Variants in KCNIP4 observed in about 807,000 individuals in gnomAD.
KCNIP4 encodes Kv channel-interacting protein 4.
In KCNIP4, 12 loss-of-function variants were observed where a neutral mutation model predicts 34.0. That is an observed-to-expected ratio of 0.35 (90% CI 0.23 to 0.57). KCNIP4 has a LOEUF of 0.57. Among genes scored for constraint, KCNIP4 ranks in the 20% least tolerant of loss-of-function variants. KCNIP4 has a pLI of 0.83. For missense variants in KCNIP4, 238 were observed against 311.7 expected (o/e 0.76, Z 1.78); for synonymous variants, 124 against 102.2 (o/e 1.21, Z -1.29).
chr4:21,295,269 A>G (rs1035236122), intron 1 of KCNIP4, among the ~76,000 whole-genome samples: 2 of 152,114 alleles, frequency 1.3e-5, no homozygotes, highest in South Asian at 2.1e-4. Flanking sequence ...AAGTCTGAAA[A>G]TAAGTGTTGA....
At chr4:21,677,000 C>T (rs922665827) in intron 1 of KCNIP4, among the ~76,000 whole-genome samples, 3 of 135,060 alleles carry the variant, frequency 2.2e-5, no homozygotes, top group Non-Finnish European at 4.7e-5. Flanking sequence ...AAAAAAAAAA[C>T]ATGGTGCACT....
Position 21,461,735 on chromosome 4 carries a change from C to T in KCNIP4, c.61+486836G>A, listed in dbSNP as rs577827203. On this transcript the variant is annotated intron_variant, in intron 1 of 8. Coordinates refer to ENST00000382152, the MANE Select transcript of KCNIP4 (RefSeq NM_025221.6). ...CTGTTCATCTGCTTGCCATGTCTTT[C>T]CTGCCTCACATGCCTGATGCACATT... is the stretch of plus-strand genomic sequence containing the variant. 1.1e-4 allele frequency among the ~76,000 whole-genome samples: 17 copies of T among 151,922 alleles called. No homozygotes were observed. The South Asian group carries it at 3.1e-3, about 28-fold the overall frequency.
intron 1 of KCNIP4, among the ~76,000 whole-genome samples, chr4:21,911,601 T>G (rs1728326605): frequency 1.6e-5 from 1 of 60,822 alleles, no homozygotes. Flanking sequence ...AAAGAATTGA[T>G]ATTCACACAC....
At chr4:21,205,166 TA>T (rs1466009931) in intron 1 of KCNIP4, among the ~76,000 whole-genome samples, 3 of 152,242 alleles carry the variant, frequency 2.0e-5, no homozygotes, top group Non-Finnish European at 4.4e-5. Context: ...TTTCTGAGTG[TA>T]ATTCCACAAA....
intron 1 of KCNIP4, among the ~76,000 whole-genome samples, chr4:21,201,114 C>G (rs186636417): frequency 6.6e-6 from 1 of 152,258 alleles, no homozygotes; most frequent in African/African-American, 2.4e-5. Context: ...ATGTAACTTA[C>G]CATTCCAATA....
intron 1 of KCNIP4, among the ~76,000 whole-genome samples, chr4:21,726,277 G>A (rs1052422471): frequency 1.3e-5 from 2 of 152,122 alleles, no homozygotes; most frequent in Non-Finnish European, 2.9e-5. Context: ...CAATGAAGCA[G>A]TTGTTCCCTC....
At chr4:21,410,746 G>T (rs1276347757) in intron 1 of KCNIP4, among the ~76,000 whole-genome samples, 2 of 152,188 alleles carry the variant, frequency 1.3e-5, no homozygotes, top group Admixed American at 1.3e-4. Flanking sequence ...TTACTTTAAT[G>T]AGTTATGTGG....
intron 1 of KCNIP4, among the ~76,000 whole-genome samples, chr4:20,938,199 G>GAT (rs34586439): frequency 1.4e-5 from 2 of 142,648 alleles, no homozygotes; most frequent in Non-Finnish European, 3.0e-5. Flanking sequence ...AATTTTGCTA[G>GAT]TTTTTTTTTT....
rs150895363 is a variant in KCNIP4 at position 21,027,117 on chromosome 4, C to A, written c.62-144408G>T. On this transcript the variant is annotated intron_variant, in intron 1 of 8. Transcript: ENST00000382152. ...ATCAGTTTCTTAAGAGCTTTTTGAACAGTTTGACATAGAGCTGATGATTAA... is the reference window on the plus strand; with the variant it reads ...ATCAGTTTCTTAAGAGCTTTTTGAAAAGTTTGACATAGAGCTGATGATTAA... 7.6e-3 allele frequency among the ~76,000 whole-genome samples: 1,152 copies of A among 152,242 alleles called. 12 individuals are homozygous for A. Among genetic ancestry groups the A allele is most frequent in the African/African-American group, 0.026 (1,088 of 41,532 alleles).
At chr4:21,280,581 C>A (rs1331862996) in intron 1 of KCNIP4, among the ~76,000 whole-genome samples, 2 of 152,290 alleles carry the variant, frequency 1.3e-5, no homozygotes, top group Admixed American at 1.3e-4. Flanking sequence ...CATATCATAA[C>A]ACTTTTCTCT....
intron 1 of KCNIP4, among the ~76,000 whole-genome samples, chr4:21,276,680 T>C (rs1354446875): frequency 6.6e-6 from 1 of 152,166 alleles, no homozygotes. Flanking sequence ...TCCCTTCTTT[T>C]TTTCTAATAG....
In KCNIP4 at chr4:21,313,684, G is replaced by T. The variant is rs181891447; in HGVS notation, c.62-430975C>A. Among the ~76,000 whole-genome samples, 5 of 152,168 alleles carry T rather than the reference G, an allele frequency of 3.3e-5. No homozygotes were observed. The East Asian group carries it at 9.7e-4, about 29-fold the overall frequency. ...GTAACCCATTAAATAATACAAAGTG[G>T]CCTCAAAGAATTAAAGATTAGCTTG... On this transcript the variant is annotated intron_variant, in intron 1 of 8. Transcript: ENST00000382152.
chr4:21,610,711 C>T (rs144742209), intron 1 of KCNIP4, among the ~76,000 whole-genome samples: 5 of 152,010 alleles, frequency 3.3e-5, no homozygotes, highest in Non-Finnish European at 4.4e-5. Flanking sequence ...AAGAAAAACC[C>T]GAGACTGGGT....
chr4:20,844,081 A>G (rs1244879491), intron 3 of KCNIP4, among the ~76,000 whole-genome samples: 1 of 152,220 alleles, frequency 6.6e-6, no homozygotes, highest in Admixed American at 6.5e-5. Flanking sequence ...TCTTATCTAC[A>G]TGGATATTAA....
chr4:21,667,519 G>A (rs2109001339), intron 1 of KCNIP4, among the ~76,000 whole-genome samples: 1 of 152,272 alleles, frequency 6.6e-6, no homozygotes, highest in Non-Finnish European at 1.5e-5. Flanking sequence ...TATGCATCAG[G>A]TGCTGTGAGA....
chr4:21,011,599 G>A (rs576841414), intron 1 of KCNIP4, among the ~76,000 whole-genome samples: 6 of 152,260 alleles, frequency 3.9e-5, no homozygotes, highest in Admixed American at 2.6e-4. Flanking sequence ...GCACATATGT[G>A]ACTACTGATT....
intron 1 of KCNIP4, among the ~76,000 whole-genome samples, chr4:21,355,436 T>G (rs1252232006): frequency 2.0e-5 from 3 of 147,940 alleles, no homozygotes; most frequent in Non-Finnish European, 4.5e-5. Context: ...GAGAGAAGAA[T>G]CAAATAGACG....
At chr4:21,597,939 C>T (rs545391928) in intron 1 of KCNIP4, among the ~76,000 whole-genome samples, 13 of 152,018 alleles carry the variant, frequency 8.6e-5, no homozygotes, top group South Asian at 4.2e-4. Flanking sequence ...AAAAAGACAA[C>T]AGAAGAGAAA....
chr4:21,289,424 C>G (rs1414000800), intron 1 of KCNIP4, among the ~76,000 whole-genome samples: 1 of 152,124 alleles, frequency 6.6e-6, no homozygotes, highest in Non-Finnish European at 1.5e-5. Context: ...TACTCATTAA[C>G]TATCCCATAG....
Sources: allele counts gnomAD v4.1 joint callset (sites outside exome capture counted in the v4.1 genomes callset), GRCh38; gene constraint gnomAD v4.1.1; transcripts MANE v1.5; gene names NCBI Gene and HGNC (gene_info 2026-07-23, HGNC 2026-07-21).